Variants in SLC1A2 observed in about 807,000 individuals in gnomAD.
SLC1A2 encodes the protein solute carrier family 1 member 2, also known as excitatory amino acid transporter 2.
In SLC1A2, 15 loss-of-function variants were observed where a neutral mutation model predicts 48.8. The observed-to-expected ratio is 0.31, with a 90% CI of 0.21 to 0.47. The LOEUF (loss-of-function observed/expected upper bound fraction) is 0.47, where lower values mean the gene tolerates loss of function less well. Ranked by LOEUF, SLC1A2 falls within the 20% of genes least tolerant of loss-of-function variation. The pLI is 0.99. For missense variants in SLC1A2, 502 were observed against 730.5 expected (o/e 0.69, Z 3.61); for synonymous variants, 279 against 272.6 (o/e 1.02, Z -0.23).
At chr11:35,321,804 G>T (rs960458841) in intron 1 of SLC1A2, among the ~76,000 whole-genome samples, 2 of 152,020 alleles carry the variant, frequency 1.3e-5, no homozygotes, top group Non-Finnish European at 2.9e-5. Flanking sequence ...ACGTCCAGTG[G>T]GCACGCTTAC....
intron 1 of SLC1A2, among the ~76,000 whole-genome samples, chr11:35,397,712 C>A (rs1006444131): frequency 6.6e-6 from 1 of 151,942 alleles, no homozygotes; most frequent in Non-Finnish European, 1.5e-5. Context: ...GAATTAGAGC[C>A]CTTATAAAAG....
intron 1 of SLC1A2, among the ~76,000 whole-genome samples, chr11:35,377,879 A>T (rs1478483662): frequency 2.0e-5 from 3 of 152,218 alleles, no homozygotes; most frequent in African/African-American, 4.8e-5. Flanking sequence ...AATTGCAAGC[A>T]TTCTTTTTCT....
At chr11:35,292,641 G>T in intron 6 of SLC1A2, 121 bp from the exon 7 acceptor site, 1 of 601,766 alleles carries the variant, frequency 1.7e-6, no homozygotes, top group Non-Finnish European at 2.9e-6. Flanking sequence ...AAAGACTTTT[G>T]CTGAGAAAAG....
At chr11:35,416,996 G>A (rs1039535740) in intron 1 of SLC1A2, among the ~76,000 whole-genome samples, 1 of 152,220 alleles carries the variant, frequency 6.6e-6, no homozygotes, top group Non-Finnish European at 1.5e-5. Context: ...GCTCCTGCAA[G>A]AAAAGAAGAG....
intron 1 of SLC1A2, among the ~76,000 whole-genome samples, chr11:35,345,252 T>G (rs181121052): frequency 6.6e-6 from 1 of 152,196 alleles, no homozygotes; most frequent in Non-Finnish European, 1.5e-5. Flanking sequence ...ACAGCTCCAC[T>G]GTAAAACACT....
chr11:35,389,466 T>C (rs1193600479), intron 1 of SLC1A2, among the ~76,000 whole-genome samples: 1 of 151,968 alleles, frequency 6.6e-6, no homozygotes, highest in Non-Finnish European at 1.5e-5. Flanking sequence ...CTTCTTCTTC[T>C]TATTATTATT....
intron 6 of SLC1A2, among the ~76,000 whole-genome samples, chr11:35,300,461 G>C (rs1380071352): frequency 6.6e-6 from 1 of 152,184 alleles, no homozygotes; most frequent in Non-Finnish European, 1.5e-5. Context: ...CTCTTCAATG[G>C]AATTAGTGCT....
At position 35,393,944 on chromosome 11, in the gene SLC1A2, G is replaced by T. The variant is rs367805350; in HGVS notation, c.17+25006C>A. ...CTGCTGGTGAGAATGGCTAAAGAAG[G>T]TCCCACGGCCCTTGAAGCTCTTCTG... On this transcript the variant is annotated intron_variant, in intron 1 of 10. Coordinates refer to ENST00000278379, the MANE Select transcript of SLC1A2 (RefSeq NM_004171.4). Among the ~76,000 whole-genome samples, 31 of 152,164 alleles carry T rather than the reference G, an allele frequency of 2.0e-4. No homozygotes were observed. In the East Asian group the frequency reaches 3.3e-3, roughly 16 times the overall value.
intron 1 of SLC1A2, among the ~76,000 whole-genome samples, chr11:35,398,488 C>A (rs1007737225): frequency 6.6e-6 from 1 of 151,920 alleles, no homozygotes; most frequent in Non-Finnish European, 1.5e-5. Context: ...AAGAAGAGAA[C>A]AACAGACACT....
chr11:35,274,268 T>C (rs1429526768), intron 9 of SLC1A2, among the ~76,000 whole-genome samples: 1 of 152,242 alleles, frequency 6.6e-6, no homozygotes, highest in African/African-American at 2.4e-5. Context: ...AAAAATGATT[T>C]TGCTGCGCAG....
intron 10 of SLC1A2, among the ~76,000 whole-genome samples, chr11:35,262,575 C>A (rs1458107372): frequency 6.6e-6 from 1 of 152,184 alleles, no homozygotes; most frequent in Non-Finnish European, 1.5e-5. Flanking sequence ...CAGAATTAAC[C>A]ATAAGGAAGT....
chr11:35,366,083 T>G (rs903285204), intron 1 of SLC1A2, among the ~76,000 whole-genome samples: 1 of 152,232 alleles, frequency 6.6e-6, no homozygotes, highest in Non-Finnish European at 1.5e-5. Flanking sequence ...AGCTCTCAGT[T>G]AACCATCTAT....
intron 1 of SLC1A2, among the ~76,000 whole-genome samples, chr11:35,416,302 A>G (rs1162242115): frequency 6.6e-6 from 1 of 152,258 alleles, no homozygotes. Context: ...CATGCCCAGC[A>G]CACATCATTT....
intron 5 of SLC1A2, among the ~76,000 whole-genome samples, chr11:35,302,926 T>A (rs1337439730): frequency 6.7e-6 from 1 of 149,840 alleles, no homozygotes; most frequent in Admixed American, 6.7e-5. Flanking sequence ...ACTTACATGT[T>A]CTATAAATCA....
chr11:35,377,620 ATTCT>A (rs1164512716), intron 1 of SLC1A2, among the ~76,000 whole-genome samples: 1 of 152,186 alleles, frequency 6.6e-6, no homozygotes, highest in Non-Finnish European at 1.5e-5. Context: ...CTCTTCATTC[ATTCT>A]ATTTCCAAGG....
chr11:35,262,464 T>G (rs1482362227), intron 10 of SLC1A2, among the ~76,000 whole-genome samples: 1 of 152,226 alleles, frequency 6.6e-6, no homozygotes, highest in Non-Finnish European at 1.5e-5. Flanking sequence ...CACTTCTCTC[T>G]GCTCCAACCA....
intron 1 of SLC1A2, among the ~76,000 whole-genome samples, chr11:35,319,557 C>T (rs570190491): frequency 6.6e-6 from 1 of 152,260 alleles, no homozygotes; most frequent in Admixed American, 6.5e-5. Flanking sequence ...TCAAGTAAAA[C>T]TAGGAAGTAT....
At position 35,259,293 on chromosome 11, in the gene SLC1A2, C is replaced by T. The variant is rs547606880; in HGVS notation, c.*1601G>A. ...AACCATGACTGTCTCAGCATCCCTC[C>T]GCTGGTTTCATATAATACAGCCTAT... On this transcript the variant is annotated 3_prime_UTR_variant, in exon 11 of 11. Coordinates refer to ENST00000278379, the MANE Select transcript of SLC1A2 (RefSeq NM_004171.4). The T allele has an allele frequency of 2.0e-5, 3 of 152,702 alleles. No homozygotes were observed. Among genetic ancestry groups the T allele is most frequent in the African/African-American group, 7.2e-5 (3 of 41,550 alleles). The allele number at this position is 152,702 out of a possible 1,614,324, so 9.5% of individuals were successfully genotyped here. A position where few individuals can be genotyped will look rare whatever the true frequency, so the allele number is the denominator to read the frequency against.
intron 6 of SLC1A2, 85 bp from the exon 7 acceptor site, chr11:35,292,605 A>G: frequency 1.4e-6 from 1 of 734,460 alleles, no homozygotes. Context: ...CACACTGAGG[A>G]AAACGCTTGG....
Sources: gnomAD v4.1 joint callset for allele counts (sites outside exome capture counted in the v4.1 genomes callset) on GRCh38, gnomAD v4.1.1 for gene constraint, MANE v1.5 for transcripts, NCBI Gene and HGNC (gene_info 2026-07-23, HGNC 2026-07-21) for gene names.